Variants in ELP4 observed in about 807,000 individuals in gnomAD.
ELP4 encodes the protein elongator complex protein 4.
In ELP4, 51 loss-of-function variants were observed where a neutral mutation model predicts 48.9. The observed-to-expected ratio is 1.04, with a 90% CI of 0.83 to 1.32. The LOEUF is 1.32. ELP4 is among the 40% of genes most tolerant of loss of function. The pLI is 0.00. For missense variants in ELP4, 519 were observed against 514.6 expected (o/e 1.01, Z -0.08); for synonymous variants, 210 against 189.2 (o/e 1.11, Z -0.90).
intron 3 of ELP4, among the ~76,000 whole-genome samples, chr11:31,562,989 A>G (rs1198988825): frequency 6.6e-6 from 1 of 152,176 alleles, no homozygotes; most frequent in African/African-American, 2.4e-5. Flanking sequence ...ATGGCAATGA[A>G]TCAGTAATAT....
intron 9 of ELP4, among the ~76,000 whole-genome samples, chr11:31,769,121 A>G (rs778059825): frequency 2.6e-5 from 4 of 152,140 alleles, no homozygotes; most frequent in Non-Finnish European, 5.9e-5. Context: ...CTTTCTTCAT[A>G]CCGAGGAACT....
At chr11:31,782,691 G>A (rs1265379243) in intron 9 of ELP4, among the ~76,000 whole-genome samples, 1 of 151,854 alleles carries the variant, frequency 6.6e-6, no homozygotes, top group African/African-American at 2.4e-5. Flanking sequence ...ATGGGCGGGG[G>A]TTGGGAGGGT....
chr11:31,567,761 T>G (rs1957135058), intron 3 of ELP4, among the ~76,000 whole-genome samples: 1 of 152,232 alleles, frequency 6.6e-6, no homozygotes, highest in Non-Finnish European at 1.5e-5. Flanking sequence ...CATAGTCTAC[T>G]AAGTGTGCAA....
chr11:31,582,107 C>T (rs1262838702), intron 3 of ELP4, among the ~76,000 whole-genome samples: 1 of 152,120 alleles, frequency 6.6e-6, no homozygotes, highest in African/African-American at 2.4e-5. Flanking sequence ...GGATGAGCTA[C>T]AGAGCAAGAC....
chr11:31,736,362 C>T (rs1189887749), intron 9 of ELP4, among the ~76,000 whole-genome samples: 1 of 152,140 alleles, frequency 6.6e-6, no homozygotes, highest in Non-Finnish European at 1.5e-5. Flanking sequence ...AGACCTAAAA[C>T]CATAAAAACC....
At chr11:31,546,879 A>G (rs1408007088) in intron 3 of ELP4, among the ~76,000 whole-genome samples, 2 of 152,244 alleles carry the variant, frequency 1.3e-5, no homozygotes, top group Non-Finnish European at 2.9e-5. Flanking sequence ...CTGCTCCTGA[A>G]TGACTACTGG....
intron 3 of ELP4, among the ~76,000 whole-genome samples, chr11:31,584,008 T>C (rs932112577): frequency 2.6e-5 from 4 of 152,128 alleles, no homozygotes; most frequent in African/African-American, 9.6e-5. Context: ...GACCAATGGT[T>C]TCATAAATAA....
At chr11:31,698,054 A>G (rs1946447429) in intron 9 of ELP4, among the ~76,000 whole-genome samples, 1 of 152,164 alleles carries the variant, frequency 6.6e-6, no homozygotes, top group South Asian at 2.1e-4. Context: ...TAAGTAAAGT[A>G]CGCCCTGGCA....
chr11:31,662,607 A>C, intron 9 of ELP4: 1 of 397,966 alleles, frequency 2.5e-6, no homozygotes, highest in Non-Finnish European at 4.4e-6. Context: ...ATTTTCTATA[A>C]AGAAGAACCC....
intron 9 of ELP4, among the ~76,000 whole-genome samples, chr11:31,737,440 C>T (rs1185455864): frequency 6.6e-6 from 1 of 151,690 alleles, no homozygotes; most frequent in Non-Finnish European, 1.5e-5. Context: ...GCACATTGTG[C>T]ACATGTACCC....
intron 9 of ELP4, among the ~76,000 whole-genome samples, chr11:31,698,881 T>C (rs1946465500): frequency 6.6e-6 from 1 of 152,126 alleles, no homozygotes; most frequent in African/African-American, 2.4e-5. Context: ...CATATTACCA[T>C]GGAGCACATG....
chr11:31,703,041 T>G (rs1946558463), intron 9 of ELP4, among the ~76,000 whole-genome samples: 1 of 152,212 alleles, frequency 6.6e-6, no homozygotes, highest in Non-Finnish European at 1.5e-5. Flanking sequence ...TCCTTTTAAT[T>G]TTTGGTTGTC....
intron 9 of ELP4, among the ~76,000 whole-genome samples, chr11:31,688,655 AC>A (rs1207807599): frequency 6.6e-6 from 1 of 152,202 alleles, no homozygotes; most frequent in Non-Finnish European, 1.5e-5. Context: ...CAGAGTATAC[AC>A]TCAAGAAATG....
At chr11:31,774,321 C>A (rs1948203465) in intron 9 of ELP4, among the ~76,000 whole-genome samples, 1 of 152,130 alleles carries the variant, frequency 6.6e-6, no homozygotes. Flanking sequence ...TGAGGTGGCT[C>A]CCATTTTCTG....
At chr11:31,635,822 A>G (rs938281521) in intron 7 of ELP4, among the ~76,000 whole-genome samples, 2 of 152,080 alleles carry the variant, frequency 1.3e-5, no homozygotes, top group Admixed American at 6.6e-5. Flanking sequence ...AATAAGATAT[A>G]AAAGTCTATC....
At chr11:31,620,843 T>C (rs1944605069) in intron 5 of ELP4, among the ~76,000 whole-genome samples, 1 of 151,956 alleles carries the variant, frequency 6.6e-6, no homozygotes. Context: ...TAGCTGTGGC[T>C]CAGAGGTTTC....
chr11:31,788,197 A>T lies in ELP4; in HGVS notation c.*4673A>T. 2 of 226,744 alleles carry T rather than the reference A, an allele frequency of 8.8e-6. No homozygotes were observed. Among genetic ancestry groups the T allele is most frequent in the Non-Finnish European group, 1.8e-5 (2 of 113,934 alleles). The allele number at this position is 226,744 out of a possible 1,614,324, so 14.0% of individuals were successfully genotyped here. ...AGAACTGTGCTTCATTGCAAATAACAACTGACCAACAATGGGCCCTGCTTC... is the reference window on the plus strand; with the variant it reads ...AGAACTGTGCTTCATTGCAAATAACTACTGACCAACAATGGGCCCTGCTTC... On this transcript the variant is annotated 3_prime_UTR_variant, in exon 10 of 10. Coordinates refer to ENST00000640961, the MANE Select transcript of ELP4 (RefSeq NM_019040.5).
intron 3 of ELP4, among the ~76,000 whole-genome samples, chr11:31,556,936 G>T (rs1220868157): frequency 6.6e-6 from 1 of 151,726 alleles, no homozygotes; most frequent in African/African-American, 2.4e-5. Flanking sequence ...AAATATAACA[G>T]CAAATGAATA....
At chr11:31,743,862 C>G (rs898560512) in intron 9 of ELP4, among the ~76,000 whole-genome samples, 1 of 152,096 alleles carries the variant, frequency 6.6e-6, no homozygotes, top group African/African-American at 2.4e-5. Flanking sequence ...CAAACACATT[C>G]AAAAGCTAGC....
Sources: gnomAD v4.1 joint callset for allele counts (sites outside exome capture counted in the v4.1 genomes callset) on GRCh38, gnomAD v4.1.1 for gene constraint, MANE v1.5 for transcripts, NCBI Gene and HGNC (gene_info 2026-07-23, HGNC 2026-07-21) for gene names.